The following DNAJC2 variants were observed in gnomAD, a reference collection of about 807,000 sequenced individuals.
DNAJC2 encodes dnaJ homolog subfamily C member 2.
A neutral mutation model predicts 94.0 loss-of-function variants in DNAJC2; 32 were observed. That is an observed-to-expected ratio of 0.34 (90% CI 0.26 to 0.46). The LOEUF is 0.46. Among genes scored for constraint, DNAJC2 ranks in the 20% least tolerant of loss-of-function variants. DNAJC2 has a pLI of 1.00. For synonymous variants in DNAJC2, 210 were observed against 229.7 expected (o/e 0.91, Z 0.77); for missense variants, 550 against 719.5 (o/e 0.76, Z 2.69).
intron 7 of DNAJC2, 114 bp from the exon 8 acceptor site, chr7:103,322,908 G>T: frequency 3.6e-6 from 3 of 829,734 alleles, no homozygotes; most frequent in South Asian, 1.8e-5. Flanking sequence ...TTAAAATGCT[G>T]TGTCATTACT....
Position 103,341,967 on chromosome 7 carries a change from G to T in DNAJC2, c.65-13C>A, listed in dbSNP as rs1463129610. On this transcript the variant is annotated splice_polypyrimidine_tract_variant and intron_variant, in intron 1 of 16. Coordinates refer to ENST00000379263, the MANE Select transcript of DNAJC2 (RefSeq NM_014377.3). The stretch of plus-strand genomic sequence containing the variant: ...CAGAGTGTAGAGGCTGTGATTGAAA[G>T]TGTTAAGAGAGGCTTCAGTGTATCG... The T allele has an allele frequency of 6.5e-7, 1 of 1,541,058 alleles. No individual in the cohort carries two copies. The highest frequency in any genetic ancestry group is 8.7e-7 in the Non-Finnish European group (1 of 1,146,104).
chr7:103,327,558 T>C, intron 4 of DNAJC2, 98 bp downstream of exon 4: 1 of 789,330 alleles, frequency 1.3e-6, no homozygotes, highest in Middle Eastern at 2.3e-4. Context: ...TGTCAAAGGA[T>C]AGTTGAATGA....
At chr7:103,333,982 G>A (rs1350631850) in intron 3 of DNAJC2, among the ~76,000 whole-genome samples, 1 of 145,884 alleles carries the variant, frequency 6.9e-6, no homozygotes, top group Non-Finnish European at 1.5e-5. Context: ...ACGGAGTCTC[G>A]CTCTGTTGCC....
chr7:103,339,430 C>T (rs1488417370), intron 2 of DNAJC2, among the ~76,000 whole-genome samples: 1 of 152,164 alleles, frequency 6.6e-6, no homozygotes, highest in Non-Finnish European at 1.5e-5. Flanking sequence ...CCTGAAGTTA[C>T]TATCTTCTCT....
chr7:103,324,521 T>C lies in DNAJC2; in HGVS notation c.614A>G (p.Asn205Ser). 6.7e-7 allele frequency: 1 copy of C among 1,497,304 alleles called. No individual in the cohort carries two copies. The highest frequency in any genetic ancestry group is 9.0e-7 in the Non-Finnish European group (1 of 1,111,764). The allele number at this position is 1,497,304 out of a possible 1,614,324, so 92.8% of individuals were successfully genotyped here. The change falls in exon 6 of 17, where the codon AAT becomes AGT. Residue 205 changes from asparagine to serine, a missense_variant. Physicochemically the swap from Asn to Ser is conservative, Grantham distance 46. Around this residue, in one of 2 missense-constraint regions of DNAJC2, gnomAD observed 279 missense variants for 416.9 expected, o/e 0.67. Transcript: ENST00000379263. ...KKNVPKLGDMNSSFEDVDIFY... is the reference protein window; with the variant it reads ...KKNVPKLGDMSSSFEDVDIFY... Reference sequence around the variant, plus strand: ...TATATCTACATCTTCAAATGATGAATTCATATCACCAAGTTTAGGAACATT... The same window carrying C: ...TATATCTACATCTTCAAATGATGAACTCATATCACCAAGTTTAGGAACATT...
chr7:103,318,092 A>G (rs1213882486), intron 12 of DNAJC2, among the ~76,000 whole-genome samples: 1 of 152,224 alleles, frequency 6.6e-6, no homozygotes, highest in African/African-American at 2.4e-5. Context: ...TCAACAAGGT[A>G]TTAAAAACCT....
chr7:103,314,726 C>A, intron 15 of DNAJC2: 1 of 840,758 alleles, frequency 1.2e-6, no homozygotes, highest in Non-Finnish European at 1.4e-6. Context: ...TGATTTTCCT[C>A]CCCTATATTA....
rs371650194 is a variant in DNAJC2 at position 103,312,517 on chromosome 7, T to C, written c.*52A>G. The C allele has an allele frequency of 7.0e-5, 111 of 1,585,274 alleles. No homozygotes were observed. The highest frequency in any genetic ancestry group is 8.2e-5 in the Non-Finnish European group (96 of 1,170,118). On this transcript the variant is annotated 3_prime_UTR_variant, in exon 17 of 17. Coordinates refer to ENST00000379263, the MANE Select transcript of DNAJC2 (RefSeq NM_014377.3). ...ATGAGTATAATTTTAAGAATGAAAA[T>C]GTTTACAGTATTTTCAGTTTTATTA... is the stretch of plus-strand genomic sequence containing the variant.
rs562023290 is a variant in DNAJC2 at position 103,332,140 on chromosome 7, G to A, written c.332-4386C>T. 3.0e-4 allele frequency among the ~76,000 whole-genome samples: 46 copies of A among 152,034 alleles called. No individual in the cohort carries two copies. In the South Asian group the frequency reaches 8.5e-3, roughly 28 times the overall value. ...CTGCCTCAGCCTCCCGAGTAGCTGG[G>A]ACTACAGGCACCCGCCACCACGCCT... On this transcript the variant is annotated intron_variant, in intron 3 of 16. Coordinates refer to ENST00000379263, the MANE Select transcript of DNAJC2 (RefSeq NM_014377.3).
intron 3 of DNAJC2, among the ~76,000 whole-genome samples, chr7:103,328,482 C>T (rs189013175): frequency 1.3e-4 from 20 of 151,808 alleles, no homozygotes; most frequent in African/African-American, 4.8e-4. Context: ...AATACAAAAA[C>T]TAGCTGGGCG....
At chr7:103,323,948 A>T (rs979615447) in intron 6 of DNAJC2, among the ~76,000 whole-genome samples, 2 of 152,204 alleles carry the variant, frequency 1.3e-5, no homozygotes, top group African/African-American at 4.8e-5. Flanking sequence ...CAATTTCGCT[A>T]GTCTGTCAAG....
chr7:103,314,612 A>C, intron 15 of DNAJC2: 1 of 985,418 alleles, frequency 1.0e-6, no homozygotes, highest in African/African-American at 1.7e-5. Flanking sequence ...TTTATAAAGA[A>C]GTGTCTTTCA....
At chr7:103,319,512 A>T in intron 12 of DNAJC2, 97 bp downstream of exon 12, 1 of 1,100,280 alleles carries the variant, frequency 9.1e-7, no homozygotes, top group Non-Finnish European at 1.4e-6. Context: ...GAAATCAGAT[A>T]CTCCCTGCAC....
intron 12 of DNAJC2, 33 bp from the exon 13 acceptor site, chr7:103,317,047 G>A (rs2115798231): frequency 6.4e-7 from 1 of 1,559,004 alleles, no homozygotes. Flanking sequence ...GGACTTAGAA[G>A]TATACTGTAT....
chr7:103,338,062 A>G (rs1489285005), intron 2 of DNAJC2, among the ~76,000 whole-genome samples: 1 of 152,084 alleles, frequency 6.6e-6, no homozygotes, highest in East Asian at 1.9e-4. Flanking sequence ...GCCCAGGAAT[A>G]TGAGGCCAGC....
rs566688989 is a variant in DNAJC2 at position 103,314,641 on chromosome 7, C to T, written c.1636+1123G>A. The T allele has an allele frequency of 7.1e-6, 7 of 985,386 alleles. No homozygotes were observed. In the East Asian group the frequency reaches 6.8e-4, roughly 96 times the overall value. 61.0% of individuals were successfully genotyped at this position (985,386 alleles called of 1,614,324 possible). A position where few individuals can be genotyped will look rare whatever the true frequency, so the allele number is the denominator to read the frequency against. On this transcript the variant is annotated intron_variant, in intron 15 of 16. Transcript: ENST00000379263. The stretch of plus-strand genomic sequence containing the variant: ...TCTTTCAGGTGTTCTGAAACCCTGC[C>T]TTGTTACTTACCTTTATTAAAAGAA...
chr7:103,321,552 T>C lies in DNAJC2; in HGVS notation c.1083+380A>G, dbSNP rs186138357. ...AATAAATAAAAATAATTTTTTTTTTTCAAGAAATATTTTGGCTGGGTGCAG... is the reference window on the plus strand; with the variant it reads ...AATAAATAAAAATAATTTTTTTTTTCCAAGAAATATTTTGGCTGGGTGCAG... On this transcript the variant is annotated intron_variant, in intron 10 of 16. Coordinates refer to ENST00000379263, the MANE Select transcript of DNAJC2 (RefSeq NM_014377.3). 5.5e-3 allele frequency among the ~76,000 whole-genome samples: 827 copies of C among 150,854 alleles called. 5 individuals carry two copies. The highest frequency in any genetic ancestry group is 0.019 in the African/African-American group (771 of 41,102).
chr7:103,328,926 C>T, intron 3 of DNAJC2: 18 of 981,708 alleles, frequency 1.8e-5, no homozygotes, highest in Non-Finnish European at 2.5e-5. Context: ...ATTCTTTCTT[C>T]TTAGGATATA....
chr7:103,314,984 T>C (rs1235113301), intron 15 of DNAJC2, among the ~76,000 whole-genome samples: 2 of 152,070 alleles, frequency 1.3e-5, no homozygotes, highest in Non-Finnish European at 2.9e-5. Context: ...TTATATCACA[T>C]CCTAAACAAA....
Sources: allele counts gnomAD v4.1 joint callset (sites outside exome capture counted in the v4.1 genomes callset), GRCh38; gene constraint gnomAD v4.1.1; regional missense constraint gnomAD v4.1.1; transcripts MANE v1.5; gene names NCBI Gene and HGNC (gene_info 2026-07-23, HGNC 2026-07-21).